The following LOC128462377 variants were observed in gnomAD, a reference collection of about 807,000 sequenced individuals.
chr16:89,383,820 G>A, the LOC128462377 span, among the ~76,000 whole-genome samples: 1 of 152,138 alleles, frequency 6.6e-6, no homozygotes, highest in Non-Finnish European at 1.5e-5. Flanking sequence ...GAGGGCAAAG[G>A]TGCAGACTCC....
At chr16:89,372,322 C>T in the LOC128462377 span, among the ~76,000 whole-genome samples, 4 of 152,200 alleles carry the variant, frequency 2.6e-5, no homozygotes, top group East Asian at 1.9e-4. Flanking sequence ...CGCCCAGCGA[C>T]GGATGCGGCC....
chr16:89,381,777 G>A, the LOC128462377 span, among the ~76,000 whole-genome samples: 1 of 152,140 alleles, frequency 6.6e-6, no homozygotes, highest in Non-Finnish European at 1.5e-5. Context: ...TACACTTTGT[G>A]AACAAGTGTT....
the LOC128462377 span, among the ~76,000 whole-genome samples, chr16:89,329,322 G>A: frequency 1.3e-5 from 2 of 152,202 alleles, no homozygotes; most frequent in African/African-American, 2.4e-5. Context: ...GCCACTGGGC[G>A]AAGGTGGGGA....
chr16:89,362,148 G>T, the LOC128462377 span, among the ~76,000 whole-genome samples: 76 of 152,374 alleles, frequency 5.0e-4, 2 homozygotes, highest in South Asian at 0.016. Flanking sequence ...CTTAACAAAT[G>T]TGAGTGGATT....
chr16:89,331,665 G>A, the LOC128462377 span, among the ~76,000 whole-genome samples: 1 of 152,170 alleles, frequency 6.6e-6, no homozygotes, highest in Non-Finnish European at 1.5e-5. Context: ...CTGTCGCCCA[G>A]GCTGCAGTGT....
At chr16:89,349,354 C>A in the LOC128462377 span, among the ~76,000 whole-genome samples, 1 of 151,732 alleles carries the variant, frequency 6.6e-6, no homozygotes, top group African/African-American at 2.4e-5. Flanking sequence ...GTGGCGGGCG[C>A]CTGTAGTCCC....
the LOC128462377 span, among the ~76,000 whole-genome samples, chr16:89,318,386 G>A: frequency 1.3e-5 from 2 of 152,242 alleles, no homozygotes; most frequent in Admixed American, 6.5e-5. Context: ...TCGCCGCACC[G>A]TCAGTTAGAA....
At chr16:89,318,549 A>C in the LOC128462377 span, among the ~76,000 whole-genome samples, 18 of 132,392 alleles carry the variant, frequency 1.4e-4, no homozygotes, top group South Asian at 1.6e-3. Flanking sequence ...CTTTTGAAAC[A>C]CGATGTGCAG....
At chr16:89,328,490 G>A in the LOC128462377 span, among the ~76,000 whole-genome samples, 4 of 152,224 alleles carry the variant, frequency 2.6e-5, no homozygotes, top group East Asian at 3.8e-4. Flanking sequence ...TTCACATCAC[G>A]GCATCCCCTC....
At chr16:89,324,395 C>G in the LOC128462377 span, 207 of 569,010 alleles carry the variant, frequency 3.6e-4, no homozygotes, top group African/African-American at 3.8e-3. Flanking sequence ...AAGTTCTCAG[C>G]TTCGTTAGTC....
the LOC128462377 span, among the ~76,000 whole-genome samples, chr16:89,339,145 C>A: frequency 6.6e-6 from 1 of 152,234 alleles, no homozygotes. Flanking sequence ...AGGACACCAA[C>A]ACCAGAATCC....
chr16:89,350,829 G>A, the LOC128462377 span, among the ~76,000 whole-genome samples: 3 of 152,134 alleles, frequency 2.0e-5, no homozygotes, highest in African/African-American at 7.2e-5. Flanking sequence ...CATGATGGTG[G>A]TATGTGCTAC....
the LOC128462377 span, among the ~76,000 whole-genome samples, chr16:89,402,738 G>A: frequency 2.7e-5 from 4 of 145,784 alleles, no homozygotes; most frequent in Admixed American, 2.1e-4. Context: ...TCTGTGGGGT[G>A]AGATAGGGGG....
the LOC128462377 span, among the ~76,000 whole-genome samples, chr16:89,338,859 G>T: frequency 6.6e-6 from 1 of 151,842 alleles, no homozygotes; most frequent in Non-Finnish European, 1.5e-5. Context: ...TAGCTAAAAG[G>T]TTTGCCAAAT....
chr16:89,334,218 G>C, the LOC128462377 span, among the ~76,000 whole-genome samples: 1 of 149,700 alleles, frequency 6.7e-6, no homozygotes, highest in Non-Finnish European at 1.5e-5. Context: ...CCCAAGCTGC[G>C]GGCTCAGGAC....
chr16:89,407,585 C>T, the LOC128462377 span, among the ~76,000 whole-genome samples: 2 of 152,190 alleles, frequency 1.3e-5, no homozygotes, highest in Non-Finnish European at 1.5e-5. Context: ...CTTTGGGAGG[C>T]CGAGGCAGGT....
chr16:89,380,355 A>C, the LOC128462377 span, among the ~76,000 whole-genome samples: 5 of 152,172 alleles, frequency 3.3e-5, no homozygotes, highest in East Asian at 9.7e-4. Context: ...CAGGTGATCC[A>C]CCCACCTCGG....
At chr16:89,389,993 C>T in the LOC128462377 span, among the ~76,000 whole-genome samples, 1 of 65,952 alleles carries the variant, frequency 1.5e-5, no homozygotes, top group Non-Finnish European at 2.8e-5. Flanking sequence ...CGGGGAGCAC[C>T]GAGAGAGAAG....
the LOC128462377 span, among the ~76,000 whole-genome samples, chr16:89,327,882 T>C: frequency 2.0e-5 from 3 of 152,122 alleles, no homozygotes; most frequent in African/African-American, 7.2e-5. Context: ...AAAAAACTGA[T>C]AAACGACCTC....
Sources: gnomAD v4.1 joint callset for allele counts (sites outside exome capture counted in the v4.1 genomes callset) on GRCh38, gnomAD v4.1.1 for gene constraint, MANE v1.5 for transcripts.